Variants in UIMC1 observed in about 807,000 individuals in gnomAD.
The protein encoded by UIMC1 is BRCA1-A complex subunit RAP80.
Under a neutral mutation model 84.9 loss-of-function variants are expected in UIMC1, and 42 were observed. That is an observed-to-expected ratio of 0.49 (90% confidence interval 0.39 to 0.64). UIMC1 has a LOEUF of 0.64. UIMC1 is among the 30% of genes least tolerant of loss of function. The pLI, the probability that UIMC1 is intolerant of heterozygous loss-of-function variation, is 0.00. For synonymous variants in UIMC1, 281 were observed against 293.0 expected (o/e 0.96, Z 0.42); for missense variants, 825 against 847.6 (o/e 0.97, Z 0.33).
At chr5:176,996,734 A>T (rs1265780121) in intron 1 of UIMC1, among the ~76,000 whole-genome samples, 4 of 152,174 alleles carry the variant, frequency 2.6e-5, no homozygotes, top group Middle Eastern at 3.2e-3. Flanking sequence ...AGGACAGAAT[A>T]TGAGTACCAA....
chr5:176,923,922 CACACAG>C (rs1422270791), intron 10 of UIMC1, among the ~76,000 whole-genome samples: 2 of 145,696 alleles, frequency 1.4e-5, no homozygotes, highest in African/African-American at 2.7e-5. Context: ...CACACACACA[CACACAG>C]ACACACACAC....
chr5:176,911,850 G>T (rs571358327), intron 10 of UIMC1, among the ~76,000 whole-genome samples: 1 of 152,278 alleles, frequency 6.6e-6, no homozygotes, highest in African/African-American at 2.4e-5. Context: ...TGAGAAAACT[G>T]TGGCTCAGAA....
chr5:176,988,499 T>A (rs183973777), intron 1 of UIMC1, among the ~76,000 whole-genome samples: 1 of 152,084 alleles, frequency 6.6e-6, no homozygotes, highest in African/African-American at 2.4e-5. Context: ...AGATTAGTGA[T>A]TACCAGAAGA....
rs140851214 is a variant in UIMC1, at chr5:176,963,446, G to A, written c.1200+5109C>T. On this transcript the variant is annotated intron_variant, in intron 6 of 14. Transcript: ENST00000511320. ...TGAAGCAGGAGAATCACTTGAACCC[G>A]GGAGGTGGAGGTTGCAGTGAGCTGA... Among the ~76,000 whole-genome samples, 584 of 151,722 alleles carry A rather than the reference G, an allele frequency of 3.8e-3. 3 individuals carry two copies. The highest frequency in any genetic ancestry group is 0.013 in the African/African-American group (541 of 41,386).
intron 1 of UIMC1, among the ~76,000 whole-genome samples, chr5:176,994,955 C>CA (rs1554135021): frequency 2.7e-5 from 4 of 150,704 alleles, no homozygotes; most frequent in Admixed American, 1.3e-4. Context: ...CACTCTGGGG[C>CA]GGGGTGTGGG....
At chr5:176,933,454 C>T (rs944779793) in intron 10 of UIMC1, among the ~76,000 whole-genome samples, 3 of 152,062 alleles carry the variant, frequency 2.0e-5, no homozygotes, top group African/African-American at 4.8e-5. Context: ...TAACTTTATA[C>T]ATATAATCTA....
At chr5:177,018,709 A>G (rs1442859042) in intron 1 of UIMC1, among the ~76,000 whole-genome samples, 1 of 152,178 alleles carries the variant, frequency 6.6e-6, no homozygotes, top group Non-Finnish European at 1.5e-5. Flanking sequence ...CACAAAGACA[A>G]AATAGAAAAC....
In UIMC1 at chr5:176,958,134, T is replaced by G; in HGVS notation, c.1221A>C (p.Glu407Asp). 1 of 1,613,874 alleles carries G rather than the reference T, an allele frequency of 6.2e-7. No individual in the cohort carries two copies. The highest frequency in any genetic ancestry group is 8.5e-7 in the Non-Finnish European group (1 of 1,179,826). ...CAGAGTTTCCCTCTTCAGAAGTTTC[T>G]TCAACAATCCCTTGGGAAGACTGCA... is the stretch of plus-strand genomic sequence containing the variant. The part of the protein sequence containing the change: ...SHGQSSQGIV[E>D]ETSEEGNSVP... Residue 407 changes from glutamate (E) to aspartate (D), a missense_variant, in exon 7 of 15, where the codon GAA (glutamate) becomes GAC (aspartate). Glu to Asp is a conservative substitution (Grantham distance 45). Transcript: ENST00000511320.
chr5:176,995,744 G>A (rs1434381818), intron 1 of UIMC1, among the ~76,000 whole-genome samples: 10 of 149,792 alleles, frequency 6.7e-5, no homozygotes, highest in South Asian at 2.1e-4. Flanking sequence ...TTGGGAGGTT[G>A]AGGCAGGACA....
chr5:176,985,066 A>G (rs1395343749), intron 1 of UIMC1, among the ~76,000 whole-genome samples: 1 of 152,154 alleles, frequency 6.6e-6, no homozygotes, highest in Non-Finnish European at 1.5e-5. Context: ...CCCCTCTCCA[A>G]GAAACACCCA....
intron 10 of UIMC1, among the ~76,000 whole-genome samples, chr5:176,927,209 A>AGAAAG (rs758319912): frequency 7.7e-6 from 1 of 129,884 alleles, no homozygotes; most frequent in Non-Finnish European, 1.7e-5. Context: ...TAAAAAAGAA[A>AGAAAG]AAAAAAAAAA....
chr5:176,907,192 A>G lies in UIMC1; in HGVS notation c.1849-15T>C, dbSNP rs764696448. ...TGGCCTTTTTCCTGTAACAGAGAAA[A>G]ACAGATGAAAAGGTTACTTCATGTC... is the stretch of plus-strand genomic sequence containing the variant. On this transcript the variant is annotated splice_polypyrimidine_tract_variant and intron_variant, in intron 12 of 14. Coordinates refer to ENST00000511320, the MANE Select transcript of UIMC1 (RefSeq NM_001199298.2). 3 of 1,610,676 alleles carry G rather than the reference A, an allele frequency of 1.9e-6. No homozygotes were observed. Among genetic ancestry groups the G allele is most frequent in the East Asian group, 2.2e-5 (1 of 44,846 alleles).
chr5:177,009,256 G>A (rs1034060867), upstream of UIMC1, among the ~76,000 whole-genome samples: 6 of 151,596 alleles, frequency 4.0e-5, no homozygotes, highest in African/African-American at 1.2e-4. This position sits in a 1 kb window ranked among gnomAD's most constrained non-coding sequence, Gnocchi z 4.3. Flanking sequence ...TGATCCTTCC[G>A]CCTCAGCCTC....
intron 10 of UIMC1, among the ~76,000 whole-genome samples, chr5:176,925,102 C>CACATTTGA: frequency 6.6e-6 from 1 of 150,950 alleles, no homozygotes; most frequent in East Asian, 1.9e-4. Flanking sequence ...TTGTAGAACA[C>CACATTTGA]ACATTTGACA....
At chr5:176,959,552 TA>T (rs1767049517) in intron 6 of UIMC1, among the ~76,000 whole-genome samples, 1 of 149,656 alleles carries the variant, frequency 6.7e-6, no homozygotes, top group African/African-American at 2.5e-5. Context: ...CCGTCTCTAC[TA>T]AAAATACAAA....
intron 10 of UIMC1, among the ~76,000 whole-genome samples, chr5:176,917,774 A>G (rs1761198720): frequency 6.6e-6 from 1 of 152,240 alleles, no homozygotes; most frequent in Non-Finnish European, 1.5e-5. Flanking sequence ...AGCCTGACCA[A>G]TATGGTGAAA....
chr5:177,008,727 T>C (rs1775480577), upstream of UIMC1, among the ~76,000 whole-genome samples: 1 of 152,192 alleles, frequency 6.6e-6, no homozygotes, highest in South Asian at 2.1e-4. Flanking sequence ...TCTTCTTGTG[T>C]GTGGGCTATG....
At chr5:176,938,399 T>C (rs1026160586) in intron 10 of UIMC1, among the ~76,000 whole-genome samples, 15 of 151,232 alleles carry the variant, frequency 9.9e-5, no homozygotes, top group Non-Finnish European at 1.5e-5. Context: ...GGAAACCAAG[T>C]AAAGAGATCA....
chr5:176,930,526 AT>A (rs1189977684), intron 10 of UIMC1, among the ~76,000 whole-genome samples: 4 of 152,230 alleles, frequency 2.6e-5, no homozygotes, highest in Non-Finnish European at 5.9e-5. Context: ...TGTTATGAGG[AT>A]TAGAACAATA....
Sources: allele counts gnomAD v4.1 joint callset (sites outside exome capture counted in the v4.1 genomes callset), GRCh38; gene constraint gnomAD v4.1.1; non-coding constraint Gnocchi (gnomAD v3.1); transcripts MANE v1.5; gene names NCBI Gene and HGNC (gene_info 2026-07-23, HGNC 2026-07-21).